HECW1: variants seen among roughly 807,000 people sequenced by gnomAD.
HECW1 encodes the protein HECT, C2 and WW domain containing E3 ubiquitin protein ligase 1, also known as E3 ubiquitin-protein ligase HECW1.
HECW1 carries 61 observed loss-of-function variants against 182.3 expected under a neutral mutation model. The ratio of observed to expected loss-of-function variants is 0.33; its 90% CI spans 0.27 to 0.41. The LOEUF is 0.41. Among genes scored for constraint, HECW1 ranks in the 10% least tolerant of loss-of-function variants. The pLI, the probability that HECW1 is intolerant of heterozygous loss-of-function variation, is 1.00. For missense variants in HECW1, 1,739 were observed against 2,108.9 expected (o/e 0.82, Z 3.44); for synonymous variants, 859 against 832.6 (o/e 1.03, Z -0.55).
chr7:43,207,383 A>C (rs1225382521), intron 2 of HECW1, among the ~76,000 whole-genome samples: 1 of 152,194 alleles, frequency 6.6e-6, no homozygotes, highest in African/African-American at 2.4e-5. Context: ...AATATTGTAC[A>C]TTCGTGGTGT....
At chr7:43,540,935 T>G (rs543908061) in intron 24 of HECW1, among the ~76,000 whole-genome samples, 1 of 152,202 alleles carries the variant, frequency 6.6e-6, no homozygotes, top group Admixed American at 6.5e-5. Context: ...GACTCGAGTC[T>G]GCTACATGGC....
At chr7:43,180,693 C>T (rs1792765384) in intron 2 of HECW1, among the ~76,000 whole-genome samples, 1 of 152,146 alleles carries the variant, frequency 6.6e-6, no homozygotes, top group Non-Finnish European at 1.5e-5. Flanking sequence ...CCGCGCCTGG[C>T]CAGTTTTATT....
chr7:43,293,326 T>G (rs1052883833), intron 3 of HECW1, among the ~76,000 whole-genome samples: 1 of 152,106 alleles, frequency 6.6e-6, no homozygotes, highest in Non-Finnish European at 1.5e-5. Context: ...ATACAGAATC[T>G]TCTTGGGTTC....
chr7:43,355,064 A>G (rs1255884170), intron 5 of HECW1, among the ~76,000 whole-genome samples: 2 of 151,576 alleles, frequency 1.3e-5, no homozygotes, highest in Admixed American at 6.6e-5. Flanking sequence ...GGAATTCCGT[A>G]TCCAGCAAAG....
intron 2 of HECW1, among the ~76,000 whole-genome samples, chr7:43,159,968 C>T (rs777876039): frequency 3.3e-5 from 5 of 152,142 alleles, no homozygotes; most frequent in South Asian, 2.1e-4. Context: ...CGTGAGCCAC[C>T]GCGCCCAGCT....
intron 26 of HECW1, 149 bp downstream of exon 26, chr7:43,542,147 T>C: frequency 1.6e-6 from 1 of 628,124 alleles, no homozygotes; most frequent in Non-Finnish European, 2.4e-6. Context: ...TCCAGAACTT[T>C]TTCATCTTGC....
At chr7:43,117,934 G>A (rs1384636838) in intron 2 of HECW1, 1 of 152,656 alleles carries the variant, frequency 6.6e-6, no homozygotes, top group East Asian at 1.9e-4. Flanking sequence ...TCTGAAGCTT[G>A]ATGCATATGG....
At chr7:43,327,671 G>C (rs1419595011) in intron 5 of HECW1, among the ~76,000 whole-genome samples, 2 of 152,124 alleles carry the variant, frequency 1.3e-5, no homozygotes, top group Admixed American at 6.5e-5. Context: ...AATCTTGCTA[G>C]AGAGGCATCC....
chr7:43,287,094 T>C (rs1459031919), intron 3 of HECW1, among the ~76,000 whole-genome samples: 1 of 152,192 alleles, frequency 6.6e-6, no homozygotes. Flanking sequence ...CCTCATGGAA[T>C]GTACCTTGTT....
At chr7:43,215,616 T>C (rs1796374705) in intron 2 of HECW1, among the ~76,000 whole-genome samples, 1 of 152,202 alleles carries the variant, frequency 6.6e-6, no homozygotes, top group South Asian at 2.1e-4. Context: ...TCAGAAAATG[T>C]TATCACCACT....
chr7:43,143,297 G>A (rs1788363525), intron 2 of HECW1, among the ~76,000 whole-genome samples: 1 of 151,806 alleles, frequency 6.6e-6, no homozygotes, highest in Non-Finnish European at 1.5e-5. Context: ...TTTATATATT[G>A]TTTTGAGACA....
At chr7:43,508,928 G>T in intron 23 of HECW1, 41 bp from the exon 24 acceptor site, 1 of 1,605,222 alleles carries the variant, frequency 6.2e-7, no homozygotes, top group Non-Finnish European at 8.5e-7. Flanking sequence ...CCCCACCTCC[G>T]GGCACAGAAT....
At position 43,532,734 on chromosome 7, in the gene HECW1, C is replaced by T. The variant is rs2081041836; in HGVS notation, c.4020-8429C>T. Among the ~76,000 whole-genome samples the T allele has an allele frequency of 1.3e-5, 2 of 152,194 alleles. 1 individual carries two copies. The highest frequency in any genetic ancestry group is 4.1e-4 in the South Asian group (2 of 4,830). On this transcript the variant is annotated intron_variant, in intron 24 of 29. Transcript: ENST00000395891. Reference sequence around the variant, plus strand: ...CAATGTTGACACTCCCTGGCACATTCAGAAGGAATTATTCTCCCCCATCAT... The same window carrying T: ...CAATGTTGACACTCCCTGGCACATTTAGAAGGAATTATTCTCCCCCATCAT...
At chr7:43,457,609 C>T (rs986247850) in intron 13 of HECW1, among the ~76,000 whole-genome samples, 13 of 151,906 alleles carry the variant, frequency 8.6e-5, no homozygotes, top group African/African-American at 3.1e-4. Flanking sequence ...TCTGTCTCTA[C>T]TAAGAATGCA....
chr7:43,126,886 T>A (rs551195686), intron 2 of HECW1, among the ~76,000 whole-genome samples: 1 of 152,320 alleles, frequency 6.6e-6, no homozygotes, highest in South Asian at 2.1e-4. Flanking sequence ...ACTCAATCAA[T>A]AACTGTGGTG....
intron 3 of HECW1, among the ~76,000 whole-genome samples, chr7:43,307,901 T>C (rs202192499): frequency 1.9e-3 from 152 of 78,930 alleles, no homozygotes; most frequent in East Asian, 5.3e-3. Flanking sequence ...TATATACACA[T>C]ATATATATAT....
At chr7:43,314,661 T>A (rs1017649388) in intron 4 of HECW1, among the ~76,000 whole-genome samples, 27 of 152,262 alleles carry the variant, frequency 1.8e-4, no homozygotes, top group African/African-American at 6.3e-4. Flanking sequence ...CAGTTTGTTA[T>A]TCTCATTGTA....
At chr7:43,416,013 C>T (rs948067218) in intron 8 of HECW1, among the ~76,000 whole-genome samples, 45 of 150,486 alleles carry the variant, frequency 3.0e-4, no homozygotes, top group African/African-American at 1.1e-3. Context: ...TCGTCTGAAG[C>T]CTTCTTCTCT....
intron 24 of HECW1, chr7:43,511,330 G>C (rs1389781973): frequency 6.6e-6 from 1 of 152,238 alleles, no homozygotes; most frequent in African/African-American, 2.4e-5. Context: ...AGCCCACGGT[G>C]ATGAGATTTT....
Sources: gnomAD v4.1 joint callset for allele counts (sites outside exome capture counted in the v4.1 genomes callset) on GRCh38, gnomAD v4.1.1 for gene constraint, MANE v1.5 for transcripts, NCBI Gene and HGNC (gene_info 2026-07-23, HGNC 2026-07-21) for gene names.